MAST2: variants seen among roughly 807,000 people sequenced by gnomAD.
MAST2 encodes microtubule-associated serine/threonine-protein kinase 2.
In MAST2, 70 loss-of-function variants were observed where a neutral mutation model predicts 147.4. That is an observed-to-expected ratio of 0.47 (90% CI 0.39 to 0.58). The LOEUF is 0.58. Ranked by LOEUF, MAST2 falls within the 20% of genes least tolerant of loss-of-function variation. MAST2 has a pLI of 0.00. For synonymous variants in MAST2, 869 were observed against 896.8 expected (o/e 0.97, Z 0.55); for missense variants, 2,080 against 2,302.3 (o/e 0.90, Z 1.98).
At position 46,035,436 on chromosome 1, in the gene MAST2, T is replaced by C. The variant is rs776978380; in HGVS notation, c.4767T>C (p.Ile1589=). The change falls in exon 29 of 29, where the codon ATT becomes ATC. Residue 1589 remains isoleucine (I), a synonymous_variant. Coordinates refer to ENST00000361297, the MANE Select transcript of MAST2 (RefSeq NM_015112.3). This position sits in a 1 kb window ranked among gnomAD's most constrained non-coding sequence, Gnocchi z 5.5. ...PHRRLGSPQA[I]EEAASSSSAG... is the part of the protein sequence containing the mutation. ...GGAGGCTCGGGAGCCCACAAGCCATTGAGGAGGCTGCCAGCTCCTCCTCAG... is the reference window on the plus strand; with the variant it reads ...GGAGGCTCGGGAGCCCACAAGCCATCGAGGAGGCTGCCAGCTCCTCCTCAG... 9.3e-6 allele frequency: 15 copies of C among 1,612,934 alleles called. No individual in the cohort carries two copies. In the South Asian group the frequency reaches 1.6e-4, roughly 18 times the overall value.
chr1:45,979,419 C>T (rs547960501), intron 5 of MAST2, among the ~76,000 whole-genome samples: 1 of 113,086 alleles, frequency 8.8e-6, no homozygotes, highest in South Asian at 3.2e-4. Flanking sequence ...GATTTTCTGT[C>T]AGATTTTTTG....
chr1:46,035,682 C>T lies in MAST2; in HGVS notation c.5013C>T (p.Ser1671=), dbSNP rs760712798. 1 of 1,613,910 alleles carries T rather than the reference C, an allele frequency of 6.2e-7. No individual in the cohort carries two copies. Among genetic ancestry groups the T allele is most frequent in the East Asian group, 2.2e-5 (1 of 44,832 alleles). The change falls in exon 29 of 29, where the codon AGC becomes AGT. Residue 1671 remains serine, a synonymous_variant. Coordinates refer to ENST00000361297, the MANE Select transcript of MAST2 (RefSeq NM_015112.3). The surrounding 1 kb of genome is among the most constrained non-coding windows in gnomAD (Gnocchi z 5.5). ...LIEGPDRASP[S]RKATMAGGLA... ...AGGGCCCAGACAGGGCATCCCCAAGCAGAAAGGCAACCATGGCAGGTGGGC... is the reference window on the plus strand; with the variant it reads ...AGGGCCCAGACAGGGCATCCCCAAGTAGAAAGGCAACCATGGCAGGTGGGC...
At chr1:45,813,572 C>T (rs1384668634) in intron 1 of MAST2, among the ~76,000 whole-genome samples, 1 of 150,286 alleles carries the variant, frequency 6.7e-6, no homozygotes, top group Non-Finnish European at 1.5e-5. Context: ...GATCTTGGCT[C>T]ACTGCAACCT....
At chr1:46,006,613 T>C (rs1444964843) in intron 8 of MAST2, 3 of 341,236 alleles carry the variant, frequency 8.8e-6, no homozygotes, top group Non-Finnish European at 1.5e-5. Context: ...AAAAAAAAAG[T>C]AGCAGGCCAT....
chr1:45,911,915 G>A lies in MAST2; in HGVS notation c.500+29520G>A, dbSNP rs372507422. On this transcript the variant is annotated intron_variant, in intron 4 of 28. Transcript: ENST00000361297. ...TATTATTATTATGTAGCCTGGTCTC[G>A]GGTATTAGAGAATTGGAGAATATTG... 1.1e-4 allele frequency among the ~76,000 whole-genome samples: 16 copies of A among 146,972 alleles called. No individual in the cohort carries two copies. The East Asian group carries it at 1.8e-3, about 16-fold the overall frequency.
chr1:45,886,313 TACAC>T (rs56032969), intron 4 of MAST2, among the ~76,000 whole-genome samples: 27,568 of 145,382 alleles, frequency 0.19, 2,804 homozygotes, highest in Non-Finnish European at 0.23. Context: ...TATCTATAAG[TACAC>T]ACACACACAC....
chr1:45,926,018 G>A (rs977649188), intron 4 of MAST2, among the ~76,000 whole-genome samples: 4 of 152,162 alleles, frequency 2.6e-5, no homozygotes, highest in African/African-American at 9.6e-5. Context: ...CTGCCAAAGA[G>A]AAAGCACTAT....
chr1:45,997,565 T>C (rs903785498), intron 5 of MAST2, among the ~76,000 whole-genome samples, 159 bp from the exon 6 acceptor site: 2 of 152,194 alleles, frequency 1.3e-5, no homozygotes, highest in Non-Finnish European at 2.9e-5. Flanking sequence ...ACCTCTGGGC[T>C]ATGAAACTTT....
chr1:45,815,323 T>C (rs1644420706), intron 1 of MAST2, among the ~76,000 whole-genome samples: 1 of 151,848 alleles, frequency 6.6e-6, no homozygotes. Flanking sequence ...GCACATGCCA[T>C]CACACCCAGC....
intron 4 of MAST2, among the ~76,000 whole-genome samples, chr1:45,914,082 A>G (rs568634636): frequency 7.4e-4 from 112 of 152,360 alleles, no homozygotes; most frequent in Middle Eastern, 3.4e-3. Flanking sequence ...AAACTGAATT[A>G]GATGTCATTT....
chr1:45,882,527 A>G (rs766896807), intron 4 of MAST2, 132 bp downstream of exon 4: 79 of 667,356 alleles, frequency 1.2e-4, no homozygotes, highest in Non-Finnish European at 1.6e-4. Flanking sequence ...TATCTGAGCT[A>G]GGGAAGCCAG....
intron 3 of MAST2, among the ~76,000 whole-genome samples, chr1:45,859,252 A>G (rs1206122410): frequency 6.6e-6 from 1 of 152,178 alleles, no homozygotes; most frequent in East Asian, 1.9e-4. Context: ...AAAAAGTGCC[A>G]TCACACCCAG....
chr1:45,847,794 T>C (rs1645490695), intron 3 of MAST2, among the ~76,000 whole-genome samples: 1 of 151,996 alleles, frequency 6.6e-6, no homozygotes, highest in African/African-American at 2.4e-5. Flanking sequence ...GTTCAAGCCA[T>C]CTCCCCGCCT....
At chr1:45,885,564 A>T (rs1362293674) in intron 4 of MAST2, among the ~76,000 whole-genome samples, 12 of 152,200 alleles carry the variant, frequency 7.9e-5, no homozygotes, top group Admixed American at 7.9e-4. Context: ...AAGTGGAAGT[A>T]TAGCATAAAA....
At chr1:45,936,446 T>C (rs1656201976) in intron 4 of MAST2, among the ~76,000 whole-genome samples, 2 of 140,824 alleles carry the variant, frequency 1.4e-5, no homozygotes, top group Admixed American at 1.4e-4. Flanking sequence ...TTTGTTCCAG[T>C]TCTCAAGGGG....
intron 4 of MAST2, among the ~76,000 whole-genome samples, chr1:45,939,012 C>T (rs1656720115): frequency 6.6e-6 from 1 of 151,618 alleles, no homozygotes; most frequent in South Asian, 2.1e-4. Context: ...TGGTTCTTTC[C>T]ATGTATTTGG....
chr1:45,857,683 G>T (rs1243409478), intron 3 of MAST2, among the ~76,000 whole-genome samples: 1 of 152,060 alleles, frequency 6.6e-6, no homozygotes. Context: ...CATGTGCCAT[G>T]TTGGTGTGCT....
At chr1:45,837,465 C>G (rs1645137741) in intron 3 of MAST2, among the ~76,000 whole-genome samples, 1 of 152,144 alleles carries the variant, frequency 6.6e-6, no homozygotes, top group Non-Finnish European at 1.5e-5. Flanking sequence ...CTCTTTATTG[C>G]TGAAAAGTGT....
chr1:45,864,903 T>G (rs924503094), intron 3 of MAST2, among the ~76,000 whole-genome samples: 4 of 152,346 alleles, frequency 2.6e-5, no homozygotes, highest in African/African-American at 9.6e-5. Flanking sequence ...ATGAGATGTA[T>G]CTATACTTCT....
Sources: allele counts gnomAD v4.1 joint callset (sites outside exome capture counted in the v4.1 genomes callset), GRCh38; gene constraint gnomAD v4.1.1; non-coding constraint Gnocchi (gnomAD v3.1); transcripts MANE v1.5; gene names NCBI Gene and HGNC (gene_info 2026-07-23, HGNC 2026-07-21).